MSI2: variants seen among roughly 807,000 people sequenced by gnomAD.
MSI2 encodes RNA-binding protein Musashi homolog 2.
A neutral mutation model predicts 45.6 loss-of-function variants in MSI2; 17 were observed. The ratio of observed to expected loss-of-function variants is 0.37; its 90% CI spans 0.26 to 0.56. The LOEUF (loss-of-function observed/expected upper bound fraction) is 0.56, where lower values mean the gene tolerates loss of function less well. MSI2 is among the 20% of genes least tolerant of loss of function. The probability of loss-of-function intolerance (pLI) is 0.77; values close to 1 mark genes in which losing one functional copy is unlikely to be tolerated. For synonymous variants in MSI2, 156 were observed against 158.2 expected (o/e 0.99, Z 0.11); for missense variants, 293 against 444.2 (o/e 0.66, Z 3.06).
intron 9 of MSI2, among the ~76,000 whole-genome samples, chr17:57,620,903 G>T (rs931829748): frequency 3.3e-5 from 5 of 152,152 alleles, no homozygotes; most frequent in Admixed American, 2.0e-4. Context: ...GGAGATACAG[G>T]CCTCCCCAGC....
Position 57,337,271 on chromosome 17 carries a change from T to C in MSI2, c.313-64108T>C, listed in dbSNP as rs548731654. On this transcript the variant is annotated intron_variant, in intron 5 of 13. Coordinates refer to ENST00000284073, the MANE Select transcript of MSI2 (RefSeq NM_138962.4). ...CAGCCTGACAAGAAAACCCTTGTTT[T>C]CTTTTCCACGGCCCCACAGAGTGGC... is the stretch of plus-strand genomic sequence containing the variant. Among the ~76,000 whole-genome samples, 6 of 152,326 alleles carry C rather than the reference T, an allele frequency of 3.9e-5. No homozygotes were observed. In the East Asian group the frequency reaches 1.2e-3, roughly 29 times the overall value.
intron 9 of MSI2, among the ~76,000 whole-genome samples, chr17:57,617,528 T>C (rs889563731): frequency 6.6e-6 from 1 of 152,234 alleles, no homozygotes; most frequent in Non-Finnish European, 1.5e-5. Flanking sequence ...AATTATTTCC[T>C]GGTTCACTAC....
At chr17:57,389,483 C>A (rs1238457508) in intron 5 of MSI2, among the ~76,000 whole-genome samples, 1 of 152,182 alleles carries the variant, frequency 6.6e-6, no homozygotes. Context: ...CCCCTGCTAA[C>A]CTTTAAGCTG....
chr17:57,623,449 C>CTT lies in MSI2; in HGVS notation c.653-3778_653-3777dup, dbSNP rs138088449. 1.6e-3 allele frequency among the ~76,000 whole-genome samples: 242 copies of CTT among 152,294 alleles called. 1 individual carries two copies. The highest frequency in any genetic ancestry group is 5.4e-3 in the African/African-American group (224 of 41,550). ...AGAACCAGAACCACAGTTTTGACAA[C>CTT]TTTGTCAGCATCCCCAAAATGGGGA... On this transcript the variant is annotated intron_variant, in intron 9 of 13. Coordinates refer to ENST00000284073, the MANE Select transcript of MSI2 (RefSeq NM_138962.4).
chr17:57,510,795 C>T (rs2086338412), intron 6 of MSI2, among the ~76,000 whole-genome samples: 1 of 152,244 alleles, frequency 6.6e-6, no homozygotes, highest in African/African-American at 2.4e-5. Context: ...GAACACTCAT[C>T]TGGAAACACC....
intron 5 of MSI2, among the ~76,000 whole-genome samples, chr17:57,379,599 C>T (rs1246614021): frequency 6.6e-6 from 1 of 151,416 alleles, no homozygotes; most frequent in Non-Finnish European, 1.5e-5. Flanking sequence ...GAAGTTACTT[C>T]TCGGATTGGC....
rs1913627670 is a variant in MSI2 at position 57,681,928 on chromosome 17, C to G, written c.*2411C>G. On this transcript the variant is annotated 3_prime_UTR_variant, in exon 14 of 14. Coordinates refer to ENST00000284073, the MANE Select transcript of MSI2 (RefSeq NM_138962.4). ...GTTGGTGATGTACTGTACTTCCCTT[C>G]CTTTTCTCTGCATCCCCCATCACCT... 4.8e-6 allele frequency: 1 copy of G among 210,342 alleles called. No individual in the cohort carries two copies. Among genetic ancestry groups the G allele is most frequent in the South Asian group, 1.9e-4 (1 of 5,322 alleles). 13.0% of individuals were successfully genotyped at this position (210,342 alleles called of 1,614,324 possible).
intron 5 of MSI2, among the ~76,000 whole-genome samples, chr17:57,387,541 G>A (rs1004874607): frequency 3.9e-5 from 6 of 152,222 alleles, no homozygotes; most frequent in Non-Finnish European, 7.3e-5. Flanking sequence ...GAGCTACCTA[G>A]GTTAAGGCAG....
In MSI2 at chr17:57,366,462, C is replaced by T. The variant is rs890955993; in HGVS notation, c.313-34917C>T. Reference sequence around the variant, plus strand: ...CACATGCTGCTCTTAAATTTCCACCCCGTGAAGGAAAGAAGAAATGAGAGA... The same window carrying T: ...CACATGCTGCTCTTAAATTTCCACCTCGTGAAGGAAAGAAGAAATGAGAGA... On this transcript the variant is annotated intron_variant, in intron 5 of 13. Transcript: ENST00000284073. Among the ~76,000 whole-genome samples the T allele has an allele frequency of 2.6e-5, 4 of 152,178 alleles. No homozygotes were observed. In the East Asian group the frequency reaches 7.7e-4, roughly 29 times the overall value.
chr17:57,424,934 G>A (rs538777333), intron 6 of MSI2, among the ~76,000 whole-genome samples: 1 of 152,256 alleles, frequency 6.6e-6, no homozygotes, highest in East Asian at 1.9e-4. Context: ...CACCTGATCT[G>A]CTTTGCAATT....
chr17:57,543,230 GA>G (rs2087090726), intron 7 of MSI2, among the ~76,000 whole-genome samples: 1 of 152,178 alleles, frequency 6.6e-6, no homozygotes, highest in Non-Finnish European at 1.5e-5. Flanking sequence ...AGCACCCAAG[GA>G]AAGAACCCAG....
chr17:57,264,005 C>T (rs1358512287), intron 5 of MSI2: 2 of 152,214 alleles, frequency 1.3e-5, no homozygotes, highest in African/African-American at 2.4e-5. Flanking sequence ...GGCTGTTGTC[C>T]CTAACCTTCT....
Position 57,382,543 on chromosome 17 carries a change from T to C in MSI2, c.313-18836T>C, listed in dbSNP as rs116224454. Reference sequence around the variant, plus strand: ...GAAATGTGAGCAGTGGTCAGAGACATGTGGTTGGAGCATAGAGGGTAGACA... The same window carrying C: ...GAAATGTGAGCAGTGGTCAGAGACACGTGGTTGGAGCATAGAGGGTAGACA... On this transcript the variant is annotated intron_variant, in intron 5 of 13. Coordinates refer to ENST00000284073, the MANE Select transcript of MSI2 (RefSeq NM_138962.4). Among the ~76,000 whole-genome samples the C allele has an allele frequency of 7.8e-3, 1,191 of 152,228 alleles. 10 individuals carry two copies. Among genetic ancestry groups the C allele is most frequent in the African/African-American group, 0.027 (1,138 of 41,508 alleles).
chr17:57,442,847 G>A (rs1327621702), intron 6 of MSI2, among the ~76,000 whole-genome samples: 1 of 152,196 alleles, frequency 6.6e-6, no homozygotes, highest in African/African-American at 2.4e-5. Context: ...GAAATTTAAT[G>A]CTCCTTGAAA....
intron 5 of MSI2, among the ~76,000 whole-genome samples, chr17:57,333,793 G>GA (rs199746790): frequency 0.033 from 4,230 of 129,070 alleles, 88 homozygotes; most frequent in Non-Finnish European, 0.046. Context: ...ATAAGAAAGG[G>GA]AAAAAAAAAA....
Position 57,285,931 on chromosome 17 carries a change from C to T in MSI2, c.312+23739C>T, listed in dbSNP as rs765890125. The stretch of plus-strand genomic sequence containing the variant: ...AAGTACTAAAGAATACGTCTTATCA[C>T]GTGAATCAGTATCTTTTTATTCAAC... On this transcript the variant is annotated intron_variant, in intron 5 of 13. Transcript: ENST00000284073. 10 of 1,533,416 alleles carry T rather than the reference C, an allele frequency of 6.5e-6. No individual in the cohort carries two copies. The Admixed American group carries it at 1.2e-4, about 18-fold the overall frequency. The allele number at this position is 1,533,416 out of a possible 1,614,324, so 95.0% of individuals were successfully genotyped here.
At chr17:57,439,953 G>A (rs774721685) in intron 6 of MSI2, among the ~76,000 whole-genome samples, 1 of 152,028 alleles carries the variant, frequency 6.6e-6, no homozygotes, top group Non-Finnish European at 1.5e-5. Flanking sequence ...GGGATAAGAG[G>A]GGGGGTCTGT....
chr17:57,532,232 G>A (rs1486811328), intron 7 of MSI2: 2 of 152,300 alleles, frequency 1.3e-5, no homozygotes, highest in Non-Finnish European at 2.9e-5. Flanking sequence ...AGAACTAGAG[G>A]AAAGGCAGGG....
At chr17:57,313,728 C>T (rs1465736334) in intron 5 of MSI2, among the ~76,000 whole-genome samples, 2 of 152,226 alleles carry the variant, frequency 1.3e-5, no homozygotes, top group Admixed American at 6.5e-5. Context: ...TGTTTATCAA[C>T]GCCTTCTGTG....
Sources: allele counts gnomAD v4.1 joint callset (sites outside exome capture counted in the v4.1 genomes callset), GRCh38; gene constraint gnomAD v4.1.1; transcripts MANE v1.5; gene names NCBI Gene and HGNC (gene_info 2026-07-23, HGNC 2026-07-21).